LPP: variants seen among roughly 807,000 people sequenced by gnomAD.
The protein encoded by LPP is LIM domain containing preferred translocation partner in lipoma.
Under a neutral mutation model 60.4 loss-of-function variants are expected in LPP, and 38 were observed. That is an observed-to-expected ratio of 0.63 (90% confidence interval 0.49 to 0.83). The LOEUF (loss-of-function observed/expected upper bound fraction) is 0.83. LPP is among the 40% of genes least tolerant of loss of function. LPP has a pLI of 0.00. For synonymous variants in LPP, 328 were observed against 290.8 expected, an observed-to-expected ratio of 1.13 and a Z score of -1.30; for missense variants, 902 against 783.6, an observed-to-expected ratio of 1.15 and a Z score of -1.80.
At chr3:188,477,682 A>G (rs1803595567) in intron 4 of LPP, among the ~76,000 whole-genome samples, 1 of 152,208 alleles carries the variant, frequency 6.6e-6, no homozygotes, top group Non-Finnish European at 1.5e-5. Flanking sequence ...TAAAAATTAT[A>G]AATGGGTAAA....
intron 9 of LPP, among the ~76,000 whole-genome samples, chr3:188,821,782 G>T (rs1045156148): frequency 3.3e-5 from 5 of 151,930 alleles, no homozygotes; most frequent in Admixed American, 1.3e-4. Context: ...TGAGAACCTG[G>T]TTTTTAATGC....
intron 4 of LPP, among the ~76,000 whole-genome samples, chr3:188,413,874 A>C (rs1578714666): frequency 6.6e-6 from 1 of 152,170 alleles, no homozygotes; most frequent in East Asian, 1.9e-4. Flanking sequence ...AATTCATAAA[A>C]TATTAGCTGG....
intron 7 of LPP, among the ~76,000 whole-genome samples, chr3:188,632,680 A>G (rs977516078): frequency 6.6e-6 from 1 of 152,166 alleles, no homozygotes; most frequent in Non-Finnish European, 1.5e-5. Flanking sequence ...AGCTTTATCC[A>G]AGTCACCAGA....
At chr3:188,294,872 G>A (rs752656843) in intron 2 of LPP, among the ~76,000 whole-genome samples, 6 of 152,218 alleles carry the variant, frequency 3.9e-5, no homozygotes, top group Non-Finnish European at 5.9e-5. Context: ...ACAAGCTCCC[G>A]CTTAGGAGGT....
chr3:188,534,947 A>G (rs1402450751), intron 6 of LPP, among the ~76,000 whole-genome samples: 1 of 152,234 alleles, frequency 6.6e-6, no homozygotes, highest in Non-Finnish European at 1.5e-5. Flanking sequence ...ACTGCCTTTC[A>G]GTGGGTATAT....
chr3:188,223,941 C>T (rs140202624), intron 1 of LPP, among the ~76,000 whole-genome samples: 175 of 152,272 alleles, frequency 1.1e-3, no homozygotes, highest in African/African-American at 3.9e-3. Flanking sequence ...CACTAGGTCT[C>T]AGGAAACTCC....
chr3:188,508,149 A>G (rs1423283797), intron 5 of LPP, among the ~76,000 whole-genome samples: 6 of 152,200 alleles, frequency 3.9e-5, no homozygotes, highest in East Asian at 3.9e-4. Context: ...GGCCATGACC[A>G]TGGAGAAGGG....
chr3:188,249,277 G>A (rs1177866222), intron 2 of LPP, among the ~76,000 whole-genome samples: 2 of 151,972 alleles, frequency 1.3e-5, no homozygotes, highest in Admixed American at 1.3e-4. Context: ...CATGCCTATA[G>A]TCTCAGCTAC....
At chr3:188,330,674 G>A (rs1759769827) in intron 2 of LPP, among the ~76,000 whole-genome samples, 1 of 151,948 alleles carries the variant, frequency 6.6e-6, no homozygotes, top group Non-Finnish European at 1.5e-5. Flanking sequence ...AAATGAGCTG[G>A]GCATGGTGGC....
chr3:188,194,183 T>G (rs1360769081), intron 1 of LPP, among the ~76,000 whole-genome samples: 2 of 152,248 alleles, frequency 1.3e-5, no homozygotes, highest in African/African-American at 4.8e-5. Flanking sequence ...ATGAAGTGTA[T>G]TGATGGTAAA....
At chr3:188,841,862 T>C (rs574111465) in intron 9 of LPP, among the ~76,000 whole-genome samples, 2 of 152,322 alleles carry the variant, frequency 1.3e-5, no homozygotes, top group East Asian at 3.9e-4. Context: ...TATTGATGTA[T>C]AGGAATGCTT....
intron 1 of LPP, among the ~76,000 whole-genome samples, chr3:188,200,143 C>A (rs1432536860): frequency 6.6e-6 from 1 of 151,892 alleles, no homozygotes; most frequent in Non-Finnish European, 1.5e-5. Context: ...TTTTTTTTTC[C>A]CTCCTGCATC....
intron 8 of LPP, chr3:188,759,251 G>A (rs1285317854): frequency 2.6e-5 from 4 of 152,202 alleles, no homozygotes; most frequent in Non-Finnish European, 5.9e-5. Context: ...GAAACCTGAT[G>A]TCCATATGTA....
At chr3:188,408,205 A>G (rs1272576817) in intron 4 of LPP, among the ~76,000 whole-genome samples, 1 of 152,080 alleles carries the variant, frequency 6.6e-6, no homozygotes, top group Non-Finnish European at 1.5e-5. Flanking sequence ...GAATACAGAC[A>G]TGGCCAGTTA....
At chr3:188,552,364 G>A (rs1828369345) in intron 6 of LPP, among the ~76,000 whole-genome samples, 1 of 152,122 alleles carries the variant, frequency 6.6e-6, no homozygotes, top group Non-Finnish European at 1.5e-5. Context: ...CTAAGTAGAG[G>A]ATGCCATAAG....
intron 7 of LPP, among the ~76,000 whole-genome samples, chr3:188,679,427 C>T (rs766176698): frequency 1.3e-5 from 2 of 151,484 alleles, no homozygotes; most frequent in Non-Finnish European, 2.9e-5. Context: ...TATGGTATTC[C>T]TTTTGCCACT....
At chr3:188,173,510 CAA>C (rs1183162741) in intron 1 of LPP, among the ~76,000 whole-genome samples, 1 of 103,558 alleles carries the variant, frequency 9.7e-6, no homozygotes, top group African/African-American at 3.2e-5. Flanking sequence ...TCAAAAAAAA[CAA>C]AAACAAAAAA....
At chr3:188,607,796 A>G (rs141547462) in intron 6 of LPP, among the ~76,000 whole-genome samples, 51 of 152,352 alleles carry the variant, frequency 3.3e-4, no homozygotes, top group African/African-American at 1.2e-3. Flanking sequence ...AAATGCAGGT[A>G]TAGAAATTTA....
At chr3:188,729,882 G>A (rs755234533) in intron 8 of LPP, among the ~76,000 whole-genome samples, 1 of 151,810 alleles carries the variant, frequency 6.6e-6, no homozygotes, top group Non-Finnish European at 1.5e-5. Context: ...TAATCTGGAC[G>A]TGGAGGTGGG....
Sources: allele counts gnomAD v4.1 joint callset (sites outside exome capture counted in the v4.1 genomes callset), GRCh38; gene constraint gnomAD v4.1.1; transcripts MANE v1.5; gene names NCBI Gene and HGNC (gene_info 2026-07-23, HGNC 2026-07-21).